Variants in TSPEAR observed in about 807,000 individuals in gnomAD.
TSPEAR encodes the protein thrombospondin-type laminin G domain and EAR repeat-containing protein.
In TSPEAR, 69 loss-of-function variants were observed where a neutral mutation model predicts 71.6. The observed-to-expected ratio is 0.96, with a 90% CI of 0.79 to 1.18. The LOEUF is 1.18. Among genes scored for constraint, TSPEAR ranks in the 50% most tolerant of loss-of-function variants. TSPEAR has a pLI of 0.00. For missense variants in TSPEAR, 971 were observed against 894.9 expected (o/e 1.09, Z -1.09); for synonymous variants, 402 against 387.2 (o/e 1.04, Z -0.45).
intron 1 of TSPEAR, among the ~76,000 whole-genome samples, chr21:44,700,401 C>A (rs1361272287): frequency 6.6e-6 from 1 of 152,090 alleles, no homozygotes; most frequent in Non-Finnish European, 1.5e-5. Context: ...CCCATCCCTG[C>A]AATCCCTCAG....
intron 1 of TSPEAR, among the ~76,000 whole-genome samples, chr21:44,570,592 G>A (rs782709472): frequency 6.6e-6 from 1 of 152,182 alleles, no homozygotes; most frequent in Admixed American, 6.5e-5. Context: ...GGAACCGGGC[G>A]CTGCTTTGAA....
intron 1 of TSPEAR, chr21:44,658,136 TCCGTGTG>T (rs1208785695): frequency 6.2e-7 from 1 of 1,613,704 alleles, no homozygotes. Context: ...CTGCCAGCCC[TCCGTGTG>T]CGTGCCCGTG....
chr21:44,687,477 C>G lies in TSPEAR; in HGVS notation c.82+23956G>C, dbSNP rs1235622994. Among the ~76,000 whole-genome samples the G allele has an allele frequency of 2.0e-5, 3 of 152,232 alleles. No homozygotes were observed. The highest frequency in any genetic ancestry group is 7.2e-5 in the African/African-American group (3 of 41,458). Reference sequence around the variant, plus strand: ...CTGAGGGCGGCATTGCTTACGCACACGGCAACAGGAACGCATCGCAGAAAC... The same window carrying G: ...CTGAGGGCGGCATTGCTTACGCACAGGGCAACAGGAACGCATCGCAGAAAC... On this transcript the variant is annotated intron_variant, in intron 1 of 11. Coordinates refer to ENST00000323084, the MANE Select transcript of TSPEAR (RefSeq NM_144991.3). The surrounding 1 kb of genome is among the most constrained non-coding windows in gnomAD (Gnocchi z 4.4).
intron 1 of TSPEAR, among the ~76,000 whole-genome samples, chr21:44,592,980 G>T (rs782128965): frequency 6.6e-6 from 1 of 152,190 alleles, no homozygotes; most frequent in Non-Finnish European, 1.5e-5. Context: ...TGGCATGGTG[G>T]GGGTGGGGGG....
intron 3 of TSPEAR, among the ~76,000 whole-genome samples, chr21:44,533,187 G>C (rs1405971925): frequency 6.6e-6 from 1 of 152,224 alleles, no homozygotes; most frequent in Non-Finnish European, 1.5e-5. Context: ...ACAGGAGTGT[G>C]CTTCATAAAC....
intron 1 of TSPEAR, among the ~76,000 whole-genome samples, chr21:44,709,335 A>G (rs1555953136): frequency 6.6e-6 from 1 of 152,230 alleles, no homozygotes; most frequent in Non-Finnish European, 1.5e-5. Flanking sequence ...CGCCCTTCGC[A>G]CTGAGGCTTC....
chr21:44,646,716 G>C (rs782089551), intron 1 of TSPEAR: 1 of 1,614,152 alleles, frequency 6.2e-7, no homozygotes, highest in East Asian at 2.2e-5. Context: ...CTAGCTGCCA[G>C]CCGGCTTGCT....
chr21:44,499,067 G>A lies in TSPEAR; in HGVS notation c.*716C>T, dbSNP rs868950525. 2 of 152,272 alleles carry A rather than the reference G, an allele frequency of 1.3e-5. No individual in the cohort carries two copies. Among genetic ancestry groups the A allele is most frequent in the Admixed American group, 1.3e-4 (2 of 15,288 alleles). 9.4% of individuals were successfully genotyped at this position (152,272 alleles called of 1,614,324 possible). A position where few individuals can be genotyped will look rare whatever the true frequency, so the allele number is the denominator to read the frequency against. ...CTGGAGGACATGTGATTAAAATGCT[G>A]CTGAATAGGGAAAAAATCCCGGGCC... On this transcript the variant is annotated 3_prime_UTR_variant, in exon 12 of 12. Transcript: ENST00000323084.
chr21:44,524,574 G>A (rs587739834), intron 8 of TSPEAR, among the ~76,000 whole-genome samples: 7 of 152,102 alleles, frequency 4.6e-5, no homozygotes, highest in Admixed American at 3.9e-4. Context: ...CAGGTAGTCA[G>A]TCAATCAGTT....
Position 44,527,388 on chromosome 21 carries a change from G to A in TSPEAR, c.1053C>T (p.Ser351=), listed in dbSNP as rs782630547. Residue 351 remains serine (S), a synonymous_variant, in exon 7 of 12, where the codon TCC becomes TCT. Transcript: ENST00000323084. ...FVATANRKAT[S]AVYKWTEEKF... ...TCTCTTCGGTCCACTTGTAGACGGCGGATGTGGCTTTGCGATTGGCTGTGG... is the reference window on the plus strand; with the variant it reads ...TCTCTTCGGTCCACTTGTAGACGGCAGATGTGGCTTTGCGATTGGCTGTGG... 3.4e-5 allele frequency: 55 copies of A among 1,614,090 alleles called. No homozygotes were observed. Among genetic ancestry groups the A allele is most frequent in the Non-Finnish European group, 4.2e-5 (49 of 1,180,054 alleles).
At position 44,551,159 on chromosome 21, in the gene TSPEAR, G is replaced by C. The variant is rs373244856; in HGVS notation, c.303+16626C>G. The C allele has an allele frequency of 1.8e-4, 279 of 1,551,524 alleles. 1 individual carries two copies. The East Asian group carries it at 4.9e-3, about 27-fold the overall frequency. On this transcript the variant is annotated intron_variant, in intron 2 of 11. Coordinates refer to ENST00000323084, the MANE Select transcript of TSPEAR (RefSeq NM_144991.3). ...ACACAGGCTTGCAGCAGACGGGCAC[G>C]CAGCAGGCCTGCTGGCAGGGGGAGG...
In TSPEAR at chr21:44,690,405, A is replaced by G. The variant is rs114638147; in HGVS notation, c.82+21028T>C. 1,387 of 275,300 alleles carry G rather than the reference A, an allele frequency of 5.0e-3. 25 individuals carry two copies. The highest frequency in any genetic ancestry group is 0.029 in the African/African-American group (1,251 of 43,804). 17.1% of individuals were successfully genotyped at this position (275,300 alleles called of 1,614,324 possible). On this transcript the variant is annotated intron_variant, in intron 1 of 11. Transcript: ENST00000323084. ...TAGATATGTCCTCTGTTGAAATGAT[A>G]TAACATCAAAGATAACAAGTGGTTC...
At chr21:44,627,509 T>C (rs1419113713) in intron 1 of TSPEAR, 6 of 1,531,988 alleles carry the variant, frequency 3.9e-6, no homozygotes, top group Non-Finnish European at 5.3e-6. Context: ...TGCGTGCCCG[T>C]CTGCTGTGGG....
intron 1 of TSPEAR, chr21:44,658,255 C>A: frequency 6.2e-7 from 1 of 1,613,586 alleles, no homozygotes; most frequent in Non-Finnish European, 8.5e-7. Flanking sequence ...CCTGCAGCAC[C>A]CCTTCCTGCT....
chr21:44,575,822 G>T (rs79711245), intron 1 of TSPEAR, among the ~76,000 whole-genome samples: 1,706 of 152,276 alleles, frequency 0.011, 31 homozygotes, highest in African/African-American at 0.039. Context: ...TTGGAATTGG[G>T]TCTCTGTCGC....
intron 6 of TSPEAR, 113 bp from the exon 7 acceptor site, chr21:44,527,631 C>G: frequency 5.0e-6 from 5 of 1,000,274 alleles, no homozygotes; most frequent in Non-Finnish European, 7.6e-6. Flanking sequence ...ACTCCTGCGC[C>G]TCAGCCTCGG....
chr21:44,573,618 G>T, intron 1 of TSPEAR: 2 of 1,405,060 alleles, frequency 1.4e-6, no homozygotes, highest in Non-Finnish European at 1.9e-6. Context: ...ACAAGGAAGG[G>T]AGGGCTTGCT....
chr21:44,689,395 A>G (rs1296486), intron 1 of TSPEAR, among the ~76,000 whole-genome samples: 150,554 of 150,642 alleles, frequency 1, 75,233 homozygotes, highest in Non-Finnish European at 1. Flanking sequence ...CCAGCTACTC[A>G]GGAGGCTGAG....
At chr21:44,602,358 T>A (rs442110) in intron 1 of TSPEAR, among the ~76,000 whole-genome samples, 1 of 152,092 alleles carries the variant, frequency 6.6e-6, no homozygotes, top group African/African-American at 2.4e-5. Context: ...ATGGGAGAGG[T>A]GAGGGATCCA....
Sources: allele counts gnomAD v4.1 joint callset (sites outside exome capture counted in the v4.1 genomes callset), GRCh38; gene constraint gnomAD v4.1.1; non-coding constraint Gnocchi (gnomAD v3.1); transcripts MANE v1.5; gene names NCBI Gene and HGNC (gene_info 2026-07-23, HGNC 2026-07-21).